Variants in PPP1R21 observed in about 807,000 individuals in gnomAD.
PPP1R21 encodes protein phosphatase 1 regulatory subunit 21.
PPP1R21 carries 85 observed loss-of-function variants against 112.8 expected under a neutral mutation model. The ratio of observed to expected loss-of-function variants is 0.75; its 90% CI spans 0.63 to 0.90. PPP1R21 has a LOEUF of 0.90. Ranked by LOEUF, PPP1R21 falls within the 40% of genes least tolerant of loss-of-function variation. The probability of loss-of-function intolerance (pLI) is 0.00; values close to 1 mark genes in which losing one functional copy is unlikely to be tolerated. For synonymous variants in PPP1R21, 381 were observed against 322.3 expected, an observed-to-expected ratio of 1.18 and a Z score of -1.95; for missense variants, 1,199 against 901.5, an observed-to-expected ratio of 1.33 and a Z score of -4.23.
chr2:48,462,411 C>T (rs762881761), intron 7 of PPP1R21, among the ~76,000 whole-genome samples: 43 of 152,154 alleles, frequency 2.8e-4, no homozygotes, highest in Non-Finnish European at 2.1e-4. Flanking sequence ...CCTGGGGTTT[C>T]AGAGAAGGAC....
chr2:48,473,502 A>G (rs1668613781), intron 11 of PPP1R21, among the ~76,000 whole-genome samples: 1 of 152,176 alleles, frequency 6.6e-6, no homozygotes, highest in African/African-American at 2.4e-5. Context: ...TAAGATTTCT[A>G]CTTTTGGAAT....
At chr2:48,491,319 G>A in intron 15 of PPP1R21, 149 bp downstream of exon 15, 3 of 827,654 alleles carry the variant, frequency 3.6e-6, no homozygotes, top group Non-Finnish European at 5.4e-6. Context: ...AGGGCTGTGG[G>A]GAAGAGGAGG....
At position 48,468,865 on chromosome 2, in the gene PPP1R21, A is replaced by ATATG. The variant is rs1273515417; in HGVS notation, c.898-2216_898-2213dup. On this transcript the variant is annotated intron_variant, in intron 9 of 21. Coordinates refer to ENST00000294952, the MANE Select transcript of PPP1R21 (RefSeq NM_001135629.3). The stretch of plus-strand genomic sequence containing the variant: ...TGTGTGTGTGTGTGTGTGTATGTAT[A>ATATG]TATGTATGTGTGTATATATATGTAT... Among the ~76,000 whole-genome samples the ATATG allele has an allele frequency of 1.4e-4, 14 of 100,842 alleles. No homozygotes were observed. In the South Asian group the frequency reaches 3.1e-3, roughly 22 times the overall value. The allele number at this position is 100,842 out of a possible 152,430, so 66.2% of individuals were successfully genotyped here.
At chr2:48,490,417 C>G (rs1669511462) in intron 14 of PPP1R21, among the ~76,000 whole-genome samples, 1 of 152,018 alleles carries the variant, frequency 6.6e-6, no homozygotes, top group Admixed American at 6.6e-5. Flanking sequence ...CAAATATTAC[C>G]AAATGCCACA....
chr2:48,447,031 A>G (rs1667279289), intron 1 of PPP1R21, among the ~76,000 whole-genome samples: 1 of 152,230 alleles, frequency 6.6e-6, no homozygotes, highest in East Asian at 1.9e-4. Flanking sequence ...GATTACAGGC[A>G]TGAGCCACTG....
chr2:48,495,748 A>C lies in PPP1R21; in HGVS notation c.1669A>C (p.Ser557Arg). ...CCGCATCCTTCTCAGCTCTACTGAA[A>C]GTCGAGAAGGCCTTGCACAGCAAGT... ...NRRILLSSTE[S>R]REGLAQQVQQ... Residue 557 changes from serine (S) to arginine (R), a missense_variant, in exon 16 of 22, where the codon AGT (serine) becomes CGT (arginine). Transcript: ENST00000294952. 1 of 1,609,156 alleles carries C rather than the reference A, an allele frequency of 6.2e-7. No homozygotes were observed. Among genetic ancestry groups the C allele is most frequent in the South Asian group, 1.1e-5 (1 of 91,018 alleles).
chr2:48,482,035 T>C (rs1001652370), intron 13 of PPP1R21, among the ~76,000 whole-genome samples: 2 of 152,240 alleles, frequency 1.3e-5, no homozygotes, highest in Non-Finnish European at 2.9e-5. Flanking sequence ...CTTATGTATA[T>C]GCGAATATTC....
chr2:48,502,448 C>A (rs1241088930), intron 17 of PPP1R21, among the ~76,000 whole-genome samples: 1 of 149,576 alleles, frequency 6.7e-6, no homozygotes, highest in South Asian at 2.1e-4. Flanking sequence ...TACTTTCAGC[C>A]TTTCTTTTTA....
Position 48,440,836 on chromosome 2 carries a change from T to G in PPP1R21, c.-118T>G, listed in dbSNP as rs913412890. On this transcript the variant is annotated 5_prime_UTR_variant, in exon 1 of 22. Transcript: ENST00000294952. ...GCGCGGCGGCGGCGGCGGCGGCGGC[T>G]GCGGTGGCCAAGCAGGCAGATACTG... 6.8e-5 allele frequency: 44 copies of G among 644,316 alleles called. No individual in the cohort carries two copies. The highest frequency in any genetic ancestry group is 2.1e-4 in the African/African-American group (10 of 48,022). The allele number at this position is 644,316 out of a possible 1,614,324, so 39.9% of individuals were successfully genotyped here. A position where few individuals can be genotyped will look rare whatever the true frequency, so the allele number is the denominator to read the frequency against.
At chr2:48,466,559 C>T (rs147494539) in intron 9 of PPP1R21, among the ~76,000 whole-genome samples, 53 of 152,002 alleles carry the variant, frequency 3.5e-4, no homozygotes, top group African/African-American at 1.1e-3. Flanking sequence ...TCAGTGTGAG[C>T]GAGTGAGTGG....
At chr2:48,479,588 A>G in intron 12 of PPP1R21, 1 of 513,590 alleles carries the variant, frequency 1.9e-6, no homozygotes, top group East Asian at 5.7e-5. Flanking sequence ...TCAGCAAATA[A>G]TGTGTAGGGA....
At chr2:48,487,616 C>G (rs1255891031) in intron 14 of PPP1R21, among the ~76,000 whole-genome samples, 1 of 151,814 alleles carries the variant, frequency 6.6e-6, no homozygotes, top group Non-Finnish European at 1.5e-5. Flanking sequence ...AAAAAATTAG[C>G]CAGGCATGGT....
At position 48,444,341 on chromosome 2, in the gene PPP1R21, C is replaced by G. The variant is rs79007270; in HGVS notation, c.57+3331C>G. On this transcript the variant is annotated intron_variant, in intron 1 of 21. Coordinates refer to ENST00000294952, the MANE Select transcript of PPP1R21 (RefSeq NM_001135629.3). Reference sequence around the variant, plus strand: ...TTGTGAAGTTAATAACAGATGCAAGCTACCTCCTTGAGATGTGAGGGAAAG... The same window carrying G: ...TTGTGAAGTTAATAACAGATGCAAGGTACCTCCTTGAGATGTGAGGGAAAG... Among the ~76,000 whole-genome samples the G allele has an allele frequency of 7.3e-4, 111 of 152,300 alleles. No homozygotes were observed. In the East Asian group the frequency reaches 0.012, roughly 16 times the overall value.
At chr2:48,483,302 C>T (rs1012923465) in intron 13 of PPP1R21, among the ~76,000 whole-genome samples, 8 of 150,278 alleles carry the variant, frequency 5.3e-5, no homozygotes, top group Non-Finnish European at 1.0e-4. Flanking sequence ...CTGCCTCAGC[C>T]TCCTGAGTAG....
chr2:48,511,249 CT>C, intron 20 of PPP1R21, 90 bp from the exon 21 acceptor site: 1 of 1,257,788 alleles, frequency 8.0e-7, no homozygotes, highest in Non-Finnish European at 1.1e-6. Context: ...TATAATTTCC[CT>C]ACTCCACATT....
At chr2:48,493,117 T>G (rs1572882266) in intron 15 of PPP1R21, among the ~76,000 whole-genome samples, 1 of 146,916 alleles carries the variant, frequency 6.8e-6, no homozygotes, top group African/African-American at 2.5e-5. Flanking sequence ...ACCATTCTCC[T>G]GCCTCAGCTT....
intron 9 of PPP1R21, among the ~76,000 whole-genome samples, chr2:48,470,180 T>C (rs1286238271): frequency 6.6e-6 from 1 of 152,194 alleles, no homozygotes; most frequent in East Asian, 1.9e-4. Context: ...TTCTTCATAC[T>C]GAATTAGTCC....
At chr2:48,499,914 C>T (rs1241454976) in intron 17 of PPP1R21, among the ~76,000 whole-genome samples, 1 of 152,146 alleles carries the variant, frequency 6.6e-6, no homozygotes, top group Non-Finnish European at 1.5e-5. Flanking sequence ...CCCTAATAAT[C>T]AAAGGAGTCT....
At chr2:48,479,291 A>G (rs1222445177) in intron 12 of PPP1R21, among the ~76,000 whole-genome samples, 3 of 152,214 alleles carry the variant, frequency 2.0e-5, no homozygotes, top group Admixed American at 1.3e-4. Flanking sequence ...GTTCTTGGCT[A>G]TACCTATTGG....
Sources: allele counts gnomAD v4.1 joint callset (sites outside exome capture counted in the v4.1 genomes callset), GRCh38; gene constraint gnomAD v4.1.1; transcripts MANE v1.5; gene names NCBI Gene and HGNC (gene_info 2026-07-23, HGNC 2026-07-21).